CNTNAP2: variants seen among roughly 807,000 people sequenced by gnomAD.
The protein encoded by CNTNAP2 is contactin-associated protein-like 2.
Under a neutral mutation model 155.2 loss-of-function variants are expected in CNTNAP2, and 98 were observed. That is an observed-to-expected ratio of 0.63 (90% CI 0.54 to 0.75). The LOEUF is 0.75. Among genes scored for constraint, CNTNAP2 ranks in the 30% least tolerant of loss-of-function variants. CNTNAP2 has a pLI of 0.00. For missense variants in CNTNAP2, 1,727 were observed against 1,688.1 expected, an observed-to-expected ratio of 1.02 and a Z score of -0.40; for synonymous variants, 651 against 631.2, an observed-to-expected ratio of 1.03 and a Z score of -0.47.
At chr7:147,236,724 T>C (rs1426962436) in intron 8 of CNTNAP2, among the ~76,000 whole-genome samples, 3 of 152,150 alleles carry the variant, frequency 2.0e-5, no homozygotes, top group African/African-American at 7.2e-5. Flanking sequence ...GTATGACTTA[T>C]TTTGATTTGA....
chr7:146,702,962 T>G (rs565317143), intron 1 of CNTNAP2, among the ~76,000 whole-genome samples: 2 of 152,152 alleles, frequency 1.3e-5, no homozygotes, highest in Non-Finnish European at 2.9e-5. Flanking sequence ...TGATCTTATA[T>G]GCATATTGAG....
chr7:146,906,742 C>T (rs189362536), intron 3 of CNTNAP2, among the ~76,000 whole-genome samples: 9 of 152,284 alleles, frequency 5.9e-5, no homozygotes, highest in African/African-American at 2.2e-4. Flanking sequence ...AAACGCAGAA[C>T]ACCTCTCCTC....
At chr7:146,953,988 TA>T (rs1797380080) in intron 3 of CNTNAP2, among the ~76,000 whole-genome samples, 1 of 151,966 alleles carries the variant, frequency 6.6e-6, no homozygotes, top group Non-Finnish European at 1.5e-5. Flanking sequence ...TAGCTGTATA[TA>T]ATCAACTATT....
intron 1 of CNTNAP2, among the ~76,000 whole-genome samples, chr7:146,209,098 C>T (rs1035201263): frequency 1.2e-4 from 19 of 152,088 alleles, no homozygotes; most frequent in Non-Finnish European, 2.6e-4. Context: ...CCTTTGATGC[C>T]TCTTTCTGTA....
chr7:146,483,502 TGTGTGTGC>T (rs1797010328), intron 1 of CNTNAP2, among the ~76,000 whole-genome samples: 1 of 149,958 alleles, frequency 6.7e-6, no homozygotes, highest in South Asian at 2.1e-4. Flanking sequence ...TGTTTGTGTG[TGTGTGTGC>T]GTGTGTGTGT....
chr7:147,160,060 T>A (rs1801998291), intron 8 of CNTNAP2, among the ~76,000 whole-genome samples: 1 of 152,054 alleles, frequency 6.6e-6, no homozygotes, highest in East Asian at 1.9e-4. Flanking sequence ...CTTGGATAAG[T>A]TTAATATTAT....
intron 17 of CNTNAP2, among the ~76,000 whole-genome samples, chr7:148,160,463 TTC>T (rs954841896): frequency 1.3e-4 from 19 of 151,922 alleles, no homozygotes; most frequent in African/African-American, 4.3e-4. Flanking sequence ...TATGCTAGCC[TTC>T]TTGTTGTTGC....
chr7:146,681,273 G>A (rs1800496793), intron 1 of CNTNAP2, among the ~76,000 whole-genome samples: 1 of 150,848 alleles, frequency 6.6e-6, no homozygotes, highest in African/African-American at 2.4e-5. Context: ...TGCCTTTTGG[G>A]AGACAGGAGG....
intron 16 of CNTNAP2, among the ~76,000 whole-genome samples, chr7:148,126,890 T>C (rs1804728255): frequency 6.6e-6 from 1 of 152,182 alleles, no homozygotes; most frequent in South Asian, 2.1e-4. Flanking sequence ...GGGTTACAAT[T>C]CTAAGGGTTG....
chr7:148,153,785 T>C (rs1585155195), intron 17 of CNTNAP2, among the ~76,000 whole-genome samples: 1 of 152,192 alleles, frequency 6.6e-6, no homozygotes, highest in Non-Finnish European at 1.5e-5. Context: ...CCTGGGAGGC[T>C]GGCTGCCAGC....
intron 3 of CNTNAP2, among the ~76,000 whole-genome samples, chr7:146,999,832 G>T (rs1048245707): frequency 1.3e-5 from 2 of 151,976 alleles, no homozygotes; most frequent in African/African-American, 4.8e-5. Context: ...GATTTTGACA[G>T]TTGCAGTATA....
intron 15 of CNTNAP2, among the ~76,000 whole-genome samples, chr7:147,981,244 T>A (rs1422061277): frequency 6.6e-6 from 1 of 152,256 alleles, no homozygotes; most frequent in Non-Finnish European, 1.5e-5. Flanking sequence ...TTCCCAACTG[T>A]ACTCTCATCC....
intron 19 of CNTNAP2, among the ~76,000 whole-genome samples, chr7:148,217,882 T>A (rs1795673967): frequency 6.6e-6 from 1 of 152,264 alleles, no homozygotes; most frequent in Admixed American, 6.5e-5. Context: ...CCCAGCACTT[T>A]GGGAGGCCAA....
intron 14 of CNTNAP2, among the ~76,000 whole-genome samples, chr7:147,905,209 C>T (rs1490899313): frequency 6.6e-6 from 1 of 152,160 alleles, no homozygotes; most frequent in East Asian, 1.9e-4. Context: ...CTTCTCCCAT[C>T]CATTTGTCTA....
At chr7:147,871,092 T>C in intron 13 of CNTNAP2, among the ~76,000 whole-genome samples, 1 of 152,196 alleles carries the variant, frequency 6.6e-6, no homozygotes, top group East Asian at 1.9e-4. Flanking sequence ...TGGCCTCCCT[T>C]CCAGATGATC....
chr7:148,214,369 T>C (rs558685713), intron 18 of CNTNAP2, among the ~76,000 whole-genome samples: 1 of 152,316 alleles, frequency 6.6e-6, no homozygotes, highest in Admixed American at 6.5e-5. Flanking sequence ...ACATTCACTG[T>C]ATTGTACTCA....
intron 13 of CNTNAP2, among the ~76,000 whole-genome samples, chr7:147,737,556 G>A (rs7809841): frequency 0.011 from 1,638 of 148,878 alleles, 17 homozygotes; most frequent in African/African-American, 0.038. Context: ...GTCAGACAGG[G>A]ACATTTAAGT....
At chr7:147,611,006 C>T (rs1289103870) in intron 12 of CNTNAP2, among the ~76,000 whole-genome samples, 1 of 152,100 alleles carries the variant, frequency 6.6e-6, no homozygotes, top group Admixed American at 6.5e-5. Context: ...TCCCAGAGTG[C>T]TGGGATTACA....
At chr7:146,582,951 A>G (rs1186466791) in intron 1 of CNTNAP2, among the ~76,000 whole-genome samples, 1 of 149,078 alleles carries the variant, frequency 6.7e-6, no homozygotes, top group Non-Finnish European at 1.5e-5. Context: ...TATCTATAAT[A>G]TTTAATATAT....
Sources: allele counts gnomAD v4.1 joint callset (sites outside exome capture counted in the v4.1 genomes callset), GRCh38; gene constraint gnomAD v4.1.1; transcripts MANE v1.5; gene names NCBI Gene and HGNC (gene_info 2026-07-23, HGNC 2026-07-21).